The following SPTA1 variants were observed in gnomAD, a reference collection of about 807,000 sequenced individuals.
SPTA1 encodes spectrin alpha, erythrocytic 1.
SPTA1 carries 177 observed loss-of-function variants against 324.7 expected under a neutral mutation model. That is an observed-to-expected ratio of 0.55 (90% CI 0.48 to 0.62). SPTA1 has a LOEUF of 0.62. Among genes scored for constraint, SPTA1 ranks in the 20% least tolerant of loss-of-function variants. The pLI is 0.00. For missense variants in SPTA1, 3,162 were observed against 2,883.6 expected (o/e 1.10, Z -2.21); for synonymous variants, 1,195 against 1,041.3 (o/e 1.15, Z -2.84).
At chr1:158,660,490 T>G (rs1653135266) in intron 18 of SPTA1, among the ~76,000 whole-genome samples, 1 of 152,206 alleles carries the variant, frequency 6.6e-6, no homozygotes, top group Non-Finnish European at 1.5e-5. Flanking sequence ...TAAATGTATA[T>G]GCATGTAATA....
chr1:158,666,200 G>A (rs1571492741), intron 16 of SPTA1, 116 bp downstream of exon 16: 9 of 981,808 alleles, frequency 9.2e-6, no homozygotes, highest in South Asian at 1.4e-5. Flanking sequence ...TACACCCATT[G>A]CTTATTATTA....
At chr1:158,650,071 A>G (rs1652310181) in intron 24 of SPTA1, 124 bp from the exon 25 acceptor site, 1 of 762,290 alleles carries the variant, frequency 1.3e-6, no homozygotes, top group Non-Finnish European at 2.3e-6. Flanking sequence ...GAAATTGCAT[A>G]GCTTTGCTTC....
rs1654271836 is a variant in SPTA1, at chr1:158,674,581, C to A, written c.1207G>T (p.Ala403Ser). The A allele has an allele frequency of 6.2e-7, 1 of 1,614,036 alleles. No homozygotes were observed. The highest frequency in any genetic ancestry group is 1.7e-5 in the Admixed American group (1 of 59,996). Residue 403 changes from alanine (A) to serine (S), a missense_variant, in exon 9 of 52, where the codon GCT becomes TCT. Transcript: ENST00000643759. ...CTGTCCAGCAGAACTTCTCCACCAG[C>A]CACATCTGTTGGCAGCTCATCAGCA... Reference protein sequence around the residue: ...INADELPTDVAGGEVLLDRHQ... With the variant: ...INADELPTDVSGGEVLLDRHQ...
chr1:158,646,158 G>A (rs1651984114), intron 27 of SPTA1, among the ~76,000 whole-genome samples: 1 of 151,920 alleles, frequency 6.6e-6, no homozygotes, highest in African/African-American at 2.4e-5. Context: ...ATTAAATCAA[G>A]GTCTATTTCC....
chr1:158,658,306 T>A (rs1389587610), intron 18 of SPTA1, among the ~76,000 whole-genome samples: 1 of 152,094 alleles, frequency 6.6e-6, no homozygotes, highest in Non-Finnish European at 1.5e-5. Flanking sequence ...GAACTAGAAC[T>A]TGTGAGGTTG....
At chr1:158,615,111 G>T in intron 48 of SPTA1, 105 bp downstream of exon 48, 1 of 1,312,182 alleles carries the variant, frequency 7.6e-7, no homozygotes, top group Non-Finnish European at 1.1e-6. Context: ...TTGGTTCTCT[G>T]AAGCAACTCT....
intron 27 of SPTA1, among the ~76,000 whole-genome samples, 165 bp from the exon 28 acceptor site, chr1:158,645,759 C>T (rs1481279325): frequency 1.3e-5 from 2 of 152,130 alleles, no homozygotes; most frequent in Non-Finnish European, 2.9e-5. Context: ...ATTATATCAC[C>T]TAATGATAAC....
intron 46 of SPTA1, 37 bp downstream of exon 46, chr1:158,618,002 T>A (rs896639190): frequency 6.3e-7 from 1 of 1,591,996 alleles, no homozygotes; most frequent in Non-Finnish European, 8.6e-7. Context: ...CATAATAATA[T>A]AATAAAGCAA....
intron 45 of SPTA1, among the ~76,000 whole-genome samples, chr1:158,618,390 G>A (rs1649707528): frequency 6.6e-6 from 1 of 152,148 alleles, no homozygotes; most frequent in Non-Finnish European, 1.5e-5. Flanking sequence ...CTGTCAGATG[G>A]TTTAGACATG....
At chr1:158,684,682 A>C (rs1011607146) in intron 2 of SPTA1, among the ~76,000 whole-genome samples, 21 of 152,132 alleles carry the variant, frequency 1.4e-4, no homozygotes, top group Non-Finnish European at 2.5e-4. Flanking sequence ...TTTGTGCTGG[A>C]TCTGAAAAAA....
At position 158,617,532 on chromosome 1, in the gene SPTA1, C is replaced by G. The variant is rs1462060431; in HGVS notation, c.6600+5G>C. On this transcript the variant is annotated splice_donor_5th_base_variant and intron_variant, in intron 47 of 51. Transcript: ENST00000643759. Reference sequence around the variant, plus strand: ...ATCTTCAGTTAATGAAAAAACAATACTTACTTTATTTGCTTCCAGCTGAGA... The same window carrying G: ...ATCTTCAGTTAATGAAAAAACAATAGTTACTTTATTTGCTTCCAGCTGAGA... The G allele has an allele frequency of 1.1e-5, 18 of 1,612,528 alleles. No individual in the cohort carries two copies. The highest frequency in any genetic ancestry group is 1.5e-5 in the Non-Finnish European group (18 of 1,178,816).
At chr1:158,663,099 G>T (rs1015478604) in intron 16 of SPTA1, among the ~76,000 whole-genome samples, 154 bp from the exon 17 acceptor site, 3 of 152,116 alleles carry the variant, frequency 2.0e-5, no homozygotes, top group East Asian at 1.9e-4. Context: ...AGTTGGAAGG[G>T]TTGCTACACT....
rs1652699110 is a variant in SPTA1 at position 158,654,670 on chromosome 1, G to A, written c.2977C>T (p.Pro993Ser). 6.2e-7 allele frequency: 1 copy of A among 1,613,942 alleles called. No homozygotes were observed. The highest frequency in any genetic ancestry group is 1.1e-5 in the South Asian group (1 of 91,060). Residue 993 changes from proline (P) to serine (S), a missense_variant, in exon 21 of 52, where the codon CCC becomes TCC. By Grantham distance (74) the Pro-to-Ser change is moderately conservative. Transcript: ENST00000643759. ...CCTTTCTTCATGGTGACTTCTCGGG[G>A]GCTGCGGGCCTGGAAGTCATATAAA... is the stretch of plus-strand genomic sequence containing the variant. ...MALYDFQARS[P>S]REVTMKKGDV...
At chr1:158,673,302 A>C (rs1654159028) in intron 10 of SPTA1, among the ~76,000 whole-genome samples, 1 of 152,162 alleles carries the variant, frequency 6.6e-6, no homozygotes, top group Non-Finnish European at 1.5e-5. Context: ...CATCCACTGC[A>C]CAGTGCTAGA....
intron 39 of SPTA1, among the ~76,000 whole-genome samples, chr1:158,632,157 C>T (rs1046750104): frequency 9.9e-5 from 15 of 151,932 alleles, no homozygotes; most frequent in African/African-American, 3.4e-4. Flanking sequence ...CATAGATGAA[C>T]CTTGAGGACA....
chr1:158,617,548 C>G lies in SPTA1; in HGVS notation c.6589G>C (p.Glu2197Gln). The G allele has an allele frequency of 6.2e-7, 1 of 1,613,458 alleles. No individual in the cohort carries two copies. The highest frequency in any genetic ancestry group is 8.5e-7 in the Non-Finnish European group (1 of 1,179,508). The change falls in exon 47 of 52, where the codon GAA becomes CAA. Residue 2197 changes from glutamate to glutamine, a missense_variant. Physicochemically the swap from Glu to Gln is conservative, Grantham distance 29. Coordinates refer to ENST00000643759, the MANE Select transcript of SPTA1 (RefSeq NM_003126.4). The part of the protein sequence containing the change: ...KETGTLESQL[E>Q]ANKRKQKEIQ... ...AAAACAATACTTACTTTATTTGCTTCCAGCTGAGATTCCAGAGTTCCTGTT... is the reference window on the plus strand; with the variant it reads ...AAAACAATACTTACTTTATTTGCTTGCAGCTGAGATTCCAGAGTTCCTGTT...
rs767506564 is a variant in SPTA1 at position 158,622,998 on chromosome 1, C to A, written c.6105G>T (p.Gln2035His). 6.2e-7 allele frequency: 1 copy of A among 1,614,126 alleles called. No individual in the cohort carries two copies. Among genetic ancestry groups the A allele is most frequent in the Non-Finnish European group, 8.5e-7 (1 of 1,179,962 alleles). The change falls in exon 43 of 52, where the codon CAG (glutamine) becomes CAT (histidine). Residue 2035 changes from glutamine to histidine, a missense_variant. Transcript: ENST00000643759. ...AVHRQKLLEKQLPLQKAEDLF... is the reference protein window; with the variant it reads ...AVHRQKLLEKHLPLQKAEDLF... ...TTTTTTAAACCTTCTGTAGAGGCAGCTGTTTCTCCAGCAATTTCTGTCTGT... is the reference window on the plus strand; with the variant it reads ...TTTTTTAAACCTTCTGTAGAGGCAGATGTTTCTCCAGCAATTTCTGTCTGT...
chr1:158,617,099 A>G (rs1018927500), intron 47 of SPTA1, among the ~76,000 whole-genome samples: 4 of 152,198 alleles, frequency 2.6e-5, no homozygotes, highest in African/African-American at 4.8e-5. Flanking sequence ...TCAGTTGTCA[A>G]GAGATGATTA....
chr1:158,614,044 G>A (rs1318292888), intron 49 of SPTA1, among the ~76,000 whole-genome samples, 177 bp from the exon 50 acceptor site: 1 of 152,120 alleles, frequency 6.6e-6, no homozygotes, highest in East Asian at 1.9e-4. Context: ...CTAATGGATA[G>A]AGAGAAAAGC....
Sources: gnomAD v4.1 joint callset for allele counts (sites outside exome capture counted in the v4.1 genomes callset) on GRCh38, gnomAD v4.1.1 for gene constraint, MANE v1.5 for transcripts, NCBI Gene and HGNC (gene_info 2026-07-23, HGNC 2026-07-21) for gene names.